Variants in DPH6 observed in about 807,000 individuals in gnomAD.
DPH6 encodes diphthine--ammonia ligase.
A neutral mutation model predicts 38.2 loss-of-function variants in DPH6; 33 were observed. The ratio of observed to expected loss-of-function variants is 0.86; its 90% CI spans 0.65 to 1.15. The LOEUF is 1.15. DPH6 is among the 50% of genes most tolerant of loss of function. The pLI, the probability that DPH6 is intolerant of heterozygous loss-of-function variation, is 0.00. For missense variants in DPH6, 325 were observed against 320.0 expected, an observed-to-expected ratio of 1.02 and a Z score of -0.12; for synonymous variants, 108 against 103.0, an observed-to-expected ratio of 1.05 and a Z score of -0.30.
intron 3 of DPH6, among the ~76,000 whole-genome samples, chr15:35,347,192 T>TA (rs1425073018): frequency 6.6e-6 from 1 of 152,172 alleles, no homozygotes; most frequent in Non-Finnish European, 1.5e-5. Context: ...TATATAGTTC[T>TA]AAGATTTTGA....
intron 6 of DPH6, among the ~76,000 whole-genome samples, chr15:35,403,292 TGTTTTTA>T (rs1301324282): frequency 6.6e-6 from 1 of 152,282 alleles, no homozygotes; most frequent in Non-Finnish European, 1.5e-5. Context: ...TCTGCTGTTT[TGTTTTTA>T]AATTTTGCAT....
In DPH6 at chr15:35,522,302, C is replaced by T. The variant is rs183475161; in HGVS notation, c.312+15972G>A. 9.2e-4 allele frequency: 1,473 copies of T among 1,608,334 alleles called. 8 individuals are homozygous for T. In the African/African-American group the frequency reaches 0.013, roughly 14 times the overall value. On this transcript the variant is annotated intron_variant, in intron 3 of 8. Coordinates refer to ENST00000256538, the MANE Select transcript of DPH6 (RefSeq NM_080650.4). Reference sequence around the variant, plus strand: ...CCCTGGAAATGGGAAATTAGGAAAACGTGGCAATCAGAGGTTTAGGATTGA... The same window carrying T: ...CCCTGGAAATGGGAAATTAGGAAAATGTGGCAATCAGAGGTTTAGGATTGA...
intron 3 of DPH6, among the ~76,000 whole-genome samples, chr15:35,248,793 A>G (rs909775105): frequency 6.6e-6 from 1 of 152,248 alleles, no homozygotes; most frequent in African/African-American, 2.4e-5. Flanking sequence ...AATCTGACAT[A>G]TTTAAATGGT....
intron 3 of DPH6, among the ~76,000 whole-genome samples, chr15:35,365,201 T>C (rs2052646841): frequency 9.2e-5 from 14 of 152,084 alleles, no homozygotes; most frequent in Admixed American, 9.2e-4. Flanking sequence ...AGATCACGCT[T>C]ATTCCCTAAA....
chr15:35,443,190 TATC>T (rs1486625872), intron 5 of DPH6, among the ~76,000 whole-genome samples: 3 of 152,208 alleles, frequency 2.0e-5, no homozygotes, highest in Non-Finnish European at 2.9e-5. Flanking sequence ...TCAGAAATTA[TATC>T]ATCAGTAGTG....
At chr15:35,410,804 C>G in intron 6 of DPH6, 31 bp downstream of exon 6, 1 of 1,556,370 alleles carries the variant, frequency 6.4e-7, no homozygotes, top group Non-Finnish European at 8.7e-7. Context: ...CTTTAGATGG[C>G]TACATTTTGA....
chr15:35,237,011 G>T (rs1595440210), intron 3 of DPH6: 1 of 288,352 alleles, frequency 3.5e-6, no homozygotes, highest in East Asian at 7.4e-5. Context: ...CTGGTGAGTT[G>T]TTGAAGGAAG....
At chr15:35,510,052 C>CAAAAAATT (rs2054747377) in intron 3 of DPH6, among the ~76,000 whole-genome samples, 1 of 152,018 alleles carries the variant, frequency 6.6e-6, no homozygotes, top group Non-Finnish European at 1.5e-5. Flanking sequence ...CCTGTCTCTA[C>CAAAAAATT]AAAAAATTAA....
At chr15:35,373,790 T>C (rs1178559127) in intron 7 of DPH6, among the ~76,000 whole-genome samples, 182 bp from the exon 8 acceptor site, 2 of 152,032 alleles carry the variant, frequency 1.3e-5, no homozygotes, top group East Asian at 1.9e-4. Context: ...GGTTCAAGTA[T>C]ACTAAGCTTT....
intron 3 of DPH6, among the ~76,000 whole-genome samples, chr15:35,256,631 T>C (rs1480453481): frequency 1.3e-5 from 2 of 152,194 alleles, no homozygotes; most frequent in Admixed American, 6.5e-5. Flanking sequence ...TGCTAATTAG[T>C]AGTGTAGTAG....
intron 5 of DPH6, among the ~76,000 whole-genome samples, chr15:35,437,308 TCTTTTTC>T (rs1053183268): frequency 3.6e-4 from 55 of 152,256 alleles, no homozygotes; most frequent in African/African-American, 1.2e-3. Flanking sequence ...AAAAATGTCT[TCTTTTTC>T]CTTTTTCCTC....
intron 3 of DPH6, among the ~76,000 whole-genome samples, chr15:35,257,258 C>G (rs1175589410): frequency 6.6e-6 from 1 of 152,104 alleles, no homozygotes; most frequent in Non-Finnish European, 1.5e-5. Context: ...TGTAACATCT[C>G]TGGGAAAAAT....
At chr15:35,366,417 T>G (rs1225455358), downstream of DPH6, among the ~76,000 whole-genome samples, 1 of 151,984 alleles carries the variant, frequency 6.6e-6, no homozygotes, top group Non-Finnish European at 1.5e-5. Flanking sequence ...TAGTGAAATG[T>G]TGAAGAATAA....
chr15:35,438,376 CT>C, intron 5 of DPH6, among the ~76,000 whole-genome samples: 1 of 152,244 alleles, frequency 6.6e-6, no homozygotes, highest in Middle Eastern at 3.4e-3. Flanking sequence ...CCTGTGATTA[CT>C]TGGGAAAAAC....
exon 4 of DPH6, chr15:35,220,139 T>C (rs1250545566): frequency 6.6e-6 from 1 of 152,240 alleles, no homozygotes; most frequent in African/African-American, 2.4e-5. Flanking sequence ...ACTATACTTG[T>C]GATATCATAT....
the DPH6 span, among the ~76,000 whole-genome samples, chr15:35,163,792 G>A: frequency 2.6e-5 from 4 of 151,814 alleles, no homozygotes; most frequent in African/African-American, 9.7e-5. Context: ...TTCTTTCCAT[G>A]GTTGCTTGGT....
At chr15:35,437,305 T>C (rs936260699) in intron 5 of DPH6, among the ~76,000 whole-genome samples, 1 of 152,164 alleles carries the variant, frequency 6.6e-6, no homozygotes, top group African/African-American at 2.4e-5. Context: ...GAAAAAAATG[T>C]CTTCTTTTTC....
intron 3 of DPH6, among the ~76,000 whole-genome samples, chr15:35,309,001 C>A (rs941809737): frequency 6.6e-6 from 1 of 152,224 alleles, no homozygotes; most frequent in African/African-American, 2.4e-5. Context: ...TCCAGCTGCA[C>A]TTGTAAACTT....
chr15:35,545,110 A>G (rs921096929), intron 1 of DPH6, among the ~76,000 whole-genome samples: 3 of 152,238 alleles, frequency 2.0e-5, no homozygotes, highest in Non-Finnish European at 2.9e-5. Context: ...TACAGCCAGT[A>G]TCAATTACCT....
Sources: allele counts gnomAD v4.1 joint callset (sites outside exome capture counted in the v4.1 genomes callset), GRCh38; gene constraint gnomAD v4.1.1; transcripts MANE v1.5; gene names NCBI Gene and HGNC (gene_info 2026-07-23, HGNC 2026-07-21).